NFATC2: variants seen among roughly 807,000 people sequenced by gnomAD.
NFATC2 encodes nuclear factor of activated T cells 2, also known as nuclear factor of activated T-cells, cytoplasmic 2.
NFATC2 carries 22 observed loss-of-function variants against 87.3 expected under a neutral mutation model. The observed-to-expected ratio is 0.25, with a 90% CI of 0.18 to 0.36. The LOEUF is 0.36. NFATC2 is among the 10% of genes least tolerant of loss of function. NFATC2 has a pLI of 1.00. For synonymous variants in NFATC2, 565 were observed against 542.2 expected (o/e 1.04, Z -0.58); for missense variants, 1,149 against 1,259.1 (o/e 0.91, Z 1.32).
chr20:51,425,435 C>G (rs1981648488), intron 9 of NFATC2, among the ~76,000 whole-genome samples: 1 of 152,202 alleles, frequency 6.6e-6, no homozygotes, highest in Non-Finnish European at 1.5e-5. Context: ...GTGCCCACAG[C>G]CTCTGGGCCA....
chr20:51,398,898 TAACCC>T lies in NFATC2; in HGVS notation c.2723-173_2723-169del, dbSNP rs555414302. ...AACATCTTAGCATTTGTGCCAGAAT[TAACCC>T]AACACTAGGGTAATAATCATGGAGA... On this transcript the variant is annotated intron_variant, in intron 9 of 10. Coordinates refer to ENST00000371564, the MANE Select transcript of NFATC2 (RefSeq NM_012340.5). 1.9e-4 allele frequency: 114 copies of T among 605,856 alleles called. No individual in the cohort carries two copies. In the African/African-American group the frequency reaches 2.0e-3, roughly 11 times the overall value. 37.5% of individuals were successfully genotyped at this position (605,856 alleles called of 1,614,324 possible). A position where few individuals can be genotyped will look rare whatever the true frequency, so the allele number is the denominator to read the frequency against.
At chr20:51,396,665 GA>G (rs1270473956) in intron 10 of NFATC2, among the ~76,000 whole-genome samples, 1 of 152,172 alleles carries the variant, frequency 6.6e-6, no homozygotes, top group Non-Finnish European at 1.5e-5. Context: ...CCAAATCAAA[GA>G]ATCTGAGAGC....
intron 3 of NFATC2, among the ~76,000 whole-genome samples, chr20:51,489,892 G>A (rs181722533): frequency 1.2e-4 from 18 of 152,288 alleles, no homozygotes; most frequent in East Asian, 1.2e-3. Context: ...GGGGAAAGAC[G>A]ACTGTCTGAC....
intron 3 of NFATC2, among the ~76,000 whole-genome samples, chr20:51,487,287 A>G (rs1388917782): frequency 6.6e-6 from 1 of 152,190 alleles, no homozygotes; most frequent in East Asian, 1.9e-4. Context: ...TGCCCCAGGG[A>G]TGCTGGGATG....
chr20:51,458,523 G>A (rs1986806283), intron 5 of NFATC2, among the ~76,000 whole-genome samples: 1 of 151,920 alleles, frequency 6.6e-6, no homozygotes, highest in Non-Finnish European at 1.5e-5. Flanking sequence ...TTCAAGCCAG[G>A]TGCGGTGGCT....
chr20:51,438,946 G>T (rs534046457), intron 6 of NFATC2, among the ~76,000 whole-genome samples: 1 of 152,360 alleles, frequency 6.6e-6, no homozygotes, highest in East Asian at 1.9e-4. Flanking sequence ...TCAAAGACAG[G>T]TCAAGGTTGT....
rs1244634726 is a variant in NFATC2, at chr20:51,447,061, A to G, written c.1849+7487T>C. Among the ~76,000 whole-genome samples the G allele has an allele frequency of 1.8e-4, 26 of 145,164 alleles. 1 individual carries two copies. In the Admixed American group the frequency reaches 1.8e-3, roughly 10 times the overall value. ...ATGGTTCCGATTGTTCCAGGGCACA[A>G]ATTCACGGAAAAATACTTAATTTAG... is the stretch of plus-strand genomic sequence containing the variant. On this transcript the variant is annotated intron_variant, in intron 6 of 10. Transcript: ENST00000371564.
chr20:51,510,436 A>C (rs1246426318), intron 3 of NFATC2, among the ~76,000 whole-genome samples: 1 of 152,198 alleles, frequency 6.6e-6, no homozygotes, highest in Non-Finnish European at 1.5e-5. Context: ...TCCTGTCCTG[A>C]AACAGGGCGA....
At chr20:51,419,774 G>A (rs6013182) in intron 9 of NFATC2, among the ~76,000 whole-genome samples, 1 of 151,996 alleles carries the variant, frequency 6.6e-6, no homozygotes, top group Non-Finnish European at 1.5e-5. Context: ...CATTCGAGAG[G>A]GATTTCATGA....
intron 9 of NFATC2, among the ~76,000 whole-genome samples, chr20:51,408,245 G>C (rs1390570198): frequency 2.0e-5 from 3 of 152,164 alleles, no homozygotes; most frequent in Non-Finnish European, 4.4e-5. Context: ...CAGGTGTGGT[G>C]GCTCACGCCT....
chr20:51,427,885 T>G (rs1255488876), intron 9 of NFATC2, among the ~76,000 whole-genome samples: 1 of 152,210 alleles, frequency 6.6e-6, no homozygotes, highest in Non-Finnish European at 1.5e-5. Flanking sequence ...GAATTTCGCT[T>G]GCTTACTTAC....
chr20:51,426,405 G>A (rs867672751), intron 9 of NFATC2, among the ~76,000 whole-genome samples: 1 of 152,052 alleles, frequency 6.6e-6, no homozygotes, highest in Non-Finnish European at 1.5e-5. Context: ...TTGAACCCAG[G>A]AGGCAGAGGT....
intron 2 of NFATC2, among the ~76,000 whole-genome samples, chr20:51,521,606 C>T (rs1191975299): frequency 6.6e-6 from 1 of 152,238 alleles, no homozygotes; most frequent in Admixed American, 6.5e-5. Flanking sequence ...CAGGCGTGAG[C>T]CACCGCACCC....
chr20:51,540,647 G>GTTTTTTTGTTTTTTTTTTT (rs2076793412), intron 1 of NFATC2, among the ~76,000 whole-genome samples: 1 of 112,972 alleles, frequency 8.9e-6, no homozygotes, highest in African/African-American at 4.4e-5. Context: ...AAAAACTGAA[G>GTTTTTTTGTTTTTTTTTTT]TTTTTTTTTT....
At chr20:51,509,298 A>G (rs994522223) in intron 3 of NFATC2, among the ~76,000 whole-genome samples, 2 of 152,070 alleles carry the variant, frequency 1.3e-5, no homozygotes, top group Non-Finnish European at 2.9e-5. Flanking sequence ...TCCTATTTAT[A>G]AGCTATATTG....
chr20:51,492,399 G>T (rs2146590464), intron 3 of NFATC2, among the ~76,000 whole-genome samples: 1 of 152,272 alleles, frequency 6.6e-6, no homozygotes, highest in African/African-American at 2.4e-5. Flanking sequence ...ACATGGGCAC[G>T]CCACCCCAGA....
At chr20:51,506,488 T>C (rs1362946588) in intron 3 of NFATC2, among the ~76,000 whole-genome samples, 1 of 151,712 alleles carries the variant, frequency 6.6e-6, no homozygotes, top group Non-Finnish European at 1.5e-5. Context: ...CTCCCCGTGT[T>C]CCTCCCCACC....
chr20:51,562,794 C>CGGAGTCGGCGCGGCTCCG (rs1403143990), upstream of NFATC2: 9 of 580,460 alleles, frequency 1.6e-5, no homozygotes, highest in Non-Finnish European at 2.7e-5. This position sits in a 1 kb window ranked among gnomAD's most constrained non-coding sequence, Gnocchi z 5.8. Context: ...CCCGGCTCGG[C>CGGAGTCGGCGCGGCTCCG]GGAGTCGGCG....
intron 6 of NFATC2, among the ~76,000 whole-genome samples, chr20:51,442,435 A>T (rs1012845316): frequency 1.3e-5 from 2 of 152,074 alleles, no homozygotes; most frequent in African/African-American, 4.8e-5. Flanking sequence ...CTGCCTCAAA[A>T]AAATAAAGTA....
Sources: allele counts gnomAD v4.1 joint callset (sites outside exome capture counted in the v4.1 genomes callset), GRCh38; gene constraint gnomAD v4.1.1; non-coding constraint Gnocchi (gnomAD v3.1); transcripts MANE v1.5; gene names NCBI Gene and HGNC (gene_info 2026-07-23, HGNC 2026-07-21).